The following NEK4 variants were observed in gnomAD, a reference collection of about 807,000 sequenced individuals.
NEK4 encodes the protein NIMA related kinase 4.
A neutral mutation model predicts 98.4 loss-of-function variants in NEK4; 86 were observed. The observed-to-expected ratio is 0.87, with a 90% CI of 0.73 to 1.05. The LOEUF (loss-of-function observed/expected upper bound fraction) is 1.05, where lower values mean the gene tolerates loss of function less well. NEK4 is among the 50% of genes least tolerant of loss of function. The pLI is 0.00. For missense variants in NEK4, 898 were observed against 950.3 expected (o/e 0.94, Z 0.72); for synonymous variants, 328 against 342.2 (o/e 0.96, Z 0.46).
chr3:52,763,642 AT>A lies in NEK4; in HGVS notation c.667-19del. On this transcript the variant is annotated intron_variant, in intron 4 of 15. Transcript: ENST00000233027. ...GGTGGCAGCTACAAATAAAAATAAT[AT>A]TGTAATTATGACTAATGGTCTTGTG... The A allele has an allele frequency of 1.9e-6, 3 of 1,560,490 alleles. No individual in the cohort carries two copies. The highest frequency in any genetic ancestry group is 2.6e-6 in the Non-Finnish European group (3 of 1,147,734).
intron 13 of NEK4, among the ~76,000 whole-genome samples, chr3:52,741,059 G>A (rs556415662): frequency 9.9e-5 from 15 of 151,328 alleles, no homozygotes; most frequent in Admixed American, 5.3e-4. Context: ...ACGGTGAAAC[G>A]CCATCTCTAC....
At chr3:52,712,011 C>CT (rs1241251905) in intron 15 of NEK4, 142 bp from the exon 16 acceptor site, 3 of 487,838 alleles carry the variant, frequency 6.1e-6, no homozygotes, top group African/African-American at 4.0e-5. Context: ...TTACATAAAA[C>CT]TTTTAAACTT....
intron 15 of NEK4, among the ~76,000 whole-genome samples, chr3:52,727,357 T>C (rs1359217320): frequency 6.6e-6 from 1 of 152,200 alleles, no homozygotes; most frequent in Non-Finnish European, 1.5e-5. Flanking sequence ...GACCATACTA[T>C]AGACCACAAA....
intron 4 of NEK4, among the ~76,000 whole-genome samples, chr3:52,764,177 C>T (rs921923406): frequency 4.0e-5 from 6 of 151,676 alleles, no homozygotes; most frequent in Non-Finnish European, 8.8e-5. Context: ...ATCCCAGTTA[C>T]TCAGGAGGCT....
chr3:52,717,403 T>A (rs1424714876), intron 15 of NEK4, among the ~76,000 whole-genome samples: 3 of 138,248 alleles, frequency 2.2e-5, no homozygotes, highest in Admixed American at 7.3e-5. Context: ...CAAGACTCCA[T>A]CTCAAAAAAA....
intron 15 of NEK4, among the ~76,000 whole-genome samples, chr3:52,720,333 A>C (rs1350950441): frequency 6.6e-6 from 1 of 152,148 alleles, no homozygotes; most frequent in Non-Finnish European, 1.5e-5. Flanking sequence ...TCTCAAAAAA[A>C]AGAAAGAAGC....
chr3:52,730,863 G>A (rs539679952), intron 15 of NEK4, among the ~76,000 whole-genome samples: 1 of 152,256 alleles, frequency 6.6e-6, no homozygotes, highest in East Asian at 1.9e-4. Flanking sequence ...TAGATGGGTG[G>A]TTGCCAGGGG....
intron 15 of NEK4, 64 bp from the exon 16 acceptor site, chr3:52,711,933 A>G (rs1232893946): frequency 5.7e-6 from 5 of 882,864 alleles, no homozygotes; most frequent in East Asian, 5.2e-5. Context: ...CTGTAATCTT[A>G]GAGGAAGGGC....
chr3:52,766,170 A>T lies in NEK4; in HGVS notation c.558+8T>A. Reference sequence around the variant, plus strand: ...CAAGGTAAGCCAGCATACAGAGCCCAATCCTACCTTATAGTTGTAGGGTTT... The same window carrying T: ...CAAGGTAAGCCAGCATACAGAGCCCTATCCTACCTTATAGTTGTAGGGTTT... On this transcript the variant is annotated splice_region_variant and intron_variant, in intron 3 of 15. Coordinates refer to ENST00000233027, the MANE Select transcript of NEK4 (RefSeq NM_003157.6). 1 of 1,613,084 alleles carries T rather than the reference A, an allele frequency of 6.2e-7. No individual in the cohort carries two copies. The highest frequency in any genetic ancestry group is 8.5e-7 in the Non-Finnish European group (1 of 1,179,150).
intron 1 of NEK4, 35 bp downstream of exon 1, chr3:52,770,619 G>A: frequency 3.1e-6 from 3 of 954,764 alleles, no homozygotes; most frequent in South Asian, 1.4e-5. Flanking sequence ...ACTTCTGCCC[G>A]CCCCCGCCCC....
chr3:52,752,518 A>T (rs1242101077), intron 6 of NEK4, among the ~76,000 whole-genome samples, 182 bp from the exon 7 acceptor site: 1 of 152,206 alleles, frequency 6.6e-6, no homozygotes, highest in Non-Finnish European at 1.5e-5. Context: ...AAGTATTTGT[A>T]CACCAATGTT....
At chr3:52,724,351 C>T (rs1026625593) in intron 15 of NEK4, among the ~76,000 whole-genome samples, 1 of 151,946 alleles carries the variant, frequency 6.6e-6, no homozygotes, top group Admixed American at 6.6e-5. Context: ...AGATTACCAA[C>T]GGGTTTTTTC....
Position 52,752,153 on chromosome 3 carries a change from C to A in NEK4, c.1147G>T (p.Val383Phe). 1 of 1,614,192 alleles carries A rather than the reference C, an allele frequency of 6.2e-7. No homozygotes were observed. Among genetic ancestry groups the A allele is most frequent in the East Asian group, 2.2e-5 (1 of 44,882 alleles). ...KGRDSVSDGF[V>F]QENQPRYLDA... ...AAATATCTTGGCTGATTCTCCTGAA[C>A]AAAGCCATCACTCACTGAATCCCTC... The change falls in exon 7 of 16, where the codon GTT becomes TTT. Residue 383 changes from valine to phenylalanine, a missense_variant. Coordinates refer to ENST00000233027, the MANE Select transcript of NEK4 (RefSeq NM_003157.6).
chr3:52,733,712 G>A (rs979049625), intron 15 of NEK4: 5 of 440,706 alleles, frequency 1.1e-5, no homozygotes, highest in African/African-American at 2.0e-5. Flanking sequence ...CAAGGTCTTC[G>A]GACACAAGTT....
intron 5 of NEK4, 43 bp downstream of exon 5, chr3:52,763,427 C>A (rs765501795): frequency 6.4e-7 from 1 of 1,562,334 alleles, no homozygotes; most frequent in Admixed American, 1.9e-5. Context: ...CCCTCTTTCA[C>A]CCCATCTATT....
At position 52,744,236 on chromosome 3, in the gene NEK4, T is replaced by C. The variant is rs1257744810; in HGVS notation, c.1894+3A>G. ...TTAGATGAAGAAAAGAAGTCAACTT[T>C]ACCTGAAGAGGACATTTCTTCCTGT... On this transcript the variant is annotated splice_donor_region_variant and intron_variant, in intron 11 of 15. Transcript: ENST00000233027. The C allele has an allele frequency of 6.2e-7, 1 of 1,610,052 alleles. No homozygotes were observed. The highest frequency in any genetic ancestry group is 1.7e-5 in the Admixed American group (1 of 60,008).
intron 15 of NEK4, among the ~76,000 whole-genome samples, chr3:52,720,418 A>G (rs1281525670): frequency 6.6e-6 from 1 of 152,234 alleles, no homozygotes; most frequent in African/African-American, 2.4e-5. Flanking sequence ...TACATGTCCA[A>G]GAAGCTAAAT....
chr3:52,769,583 C>CA (rs1299664005), intron 1 of NEK4, among the ~76,000 whole-genome samples: 4 of 152,316 alleles, frequency 2.6e-5, no homozygotes, highest in Middle Eastern at 3.4e-3. Context: ...ATGATTCCCC[C>CA]AATGCCTACT....
intron 15 of NEK4, among the ~76,000 whole-genome samples, chr3:52,716,175 G>A (rs1038187952): frequency 6.6e-6 from 1 of 152,212 alleles, no homozygotes; most frequent in Non-Finnish European, 1.5e-5. Flanking sequence ...CCCTTGGCAG[G>A]CATGGGATAC....
Sources: gnomAD v4.1 joint callset for allele counts (sites outside exome capture counted in the v4.1 genomes callset) on GRCh38, gnomAD v4.1.1 for gene constraint, MANE v1.5 for transcripts, NCBI Gene and HGNC (gene_info 2026-07-23, HGNC 2026-07-21) for gene names.